SHLD1: variants seen among roughly 807,000 people sequenced by gnomAD.
SHLD1 encodes the protein RINN1-REV7-interacting novel NHEJ regulator 3.
A neutral mutation model predicts 5.5 loss-of-function variants in SHLD1; 3 were observed. The ratio of observed to expected loss-of-function variants is 0.54; its 90% confidence interval spans 0.25 to 1.40. SHLD1 has a LOEUF of 1.40. Among genes scored for constraint, SHLD1 ranks in the 40% most tolerant of loss-of-function variants. SHLD1 has a pLI of 0.15. For synonymous variants in SHLD1, 92 were observed against 94.3 expected (o/e 0.98, Z 0.14); for missense variants, 210 against 244.4 (o/e 0.86, Z 0.94).
chr20:5,839,881 T>C (rs1037078458), intron 2 of SHLD1, among the ~76,000 whole-genome samples: 4 of 151,706 alleles, frequency 2.6e-5, no homozygotes, highest in African/African-American at 9.7e-5. Context: ...CTCCAGTCAC[T>C]GTTTGGTGGA....
At chr20:5,795,601 C>CAAAAAA (rs56723415) in intron 2 of SHLD1, among the ~76,000 whole-genome samples, 2 of 67,088 alleles carry the variant, frequency 3.0e-5, no homozygotes, top group African/African-American at 1.3e-4. Context: ...TCTGGTCTCG[C>CAAAAAA]AAAAAAAAAA....
intron 2 of SHLD1, among the ~76,000 whole-genome samples, chr20:5,794,236 T>C (rs1418886822): frequency 6.6e-6 from 1 of 152,134 alleles, no homozygotes; most frequent in Non-Finnish European, 1.5e-5. Context: ...GCTTCATAGG[T>C]TGTCATGAGG....
chr20:5,854,872 C>CTTTTTTTTTTT (rs55776293), intron 2 of SHLD1, among the ~76,000 whole-genome samples: 7,746 of 129,676 alleles, frequency 0.06, 712 homozygotes, highest in East Asian at 0.19. Context: ...CTCTATGACT[C>CTTTTTTTTTTT]TTTTTTTTTT....
chr20:5,844,791 A>ATT (rs1361285741), intron 2 of SHLD1, among the ~76,000 whole-genome samples: 26 of 98,604 alleles, frequency 2.6e-4, no homozygotes, highest in African/African-American at 1.7e-3. Context: ...ATATATATAT[A>ATT]TATATATATT....
intron 2 of SHLD1, among the ~76,000 whole-genome samples, chr20:5,802,003 C>G (rs192560331): frequency 2.6e-5 from 4 of 152,140 alleles, no homozygotes; most frequent in Admixed American, 6.5e-5. Context: ...TCTAAACTTA[C>G]CACAGGAAAA....
chr20:5,756,740 G>A (rs1402243690), intron 1 of SHLD1: 1 of 225,156 alleles, frequency 4.4e-6, no homozygotes, highest in African/African-American at 2.6e-5. Flanking sequence ...AGCCCAAGCT[G>A]GAGTACAATG....
intron 2 of SHLD1, among the ~76,000 whole-genome samples, chr20:5,810,887 CAAAA>C (rs10627373): frequency 8.3e-6 from 1 of 120,876 alleles, no homozygotes; most frequent in East Asian, 2.4e-4. Flanking sequence ...GACTCTGTCT[CAAAA>C]AAAAAAAAAA....
In SHLD1 at chr20:5,838,436, T is replaced by C. The variant is rs986817614; in HGVS notation, c.179-24588T>C. The stretch of plus-strand genomic sequence containing the variant: ...TTAAAAGCTATGAGTATATATTATG[T>C]AGATAAAAATAAAAATTAGTTATGA... On this transcript the variant is annotated intron_variant, in intron 2 of 2. Transcript: ENST00000303142. 7.2e-5 allele frequency among the ~76,000 whole-genome samples: 11 copies of C among 152,202 alleles called. 1 individual carries two copies. Among genetic ancestry groups the C allele is most frequent in the Admixed American group, 3.9e-4 (6 of 15,278 alleles).
intron 2 of SHLD1, among the ~76,000 whole-genome samples, chr20:5,820,189 G>A (rs188413075): frequency 8.7e-4 from 132 of 152,078 alleles, no homozygotes; most frequent in African/African-American, 2.8e-3. Flanking sequence ...CAGGTGATCC[G>A]CCCACCTCGG....
chr20:5,829,603 C>T (rs948662703), intron 2 of SHLD1, among the ~76,000 whole-genome samples: 52 of 152,154 alleles, frequency 3.4e-4, no homozygotes, highest in African/African-American at 1.2e-3. Context: ...CAGGTTTTTA[C>T]GGATGCATTT....
At chr20:5,800,053 T>C (rs573890054) in intron 2 of SHLD1, among the ~76,000 whole-genome samples, 2 of 152,296 alleles carry the variant, frequency 1.3e-5, no homozygotes, top group Admixed American at 1.3e-4. Context: ...TGGCAATGTC[T>C]GGAGACATTT....
At chr20:5,785,553 T>C (rs1481701664) in intron 2 of SHLD1, among the ~76,000 whole-genome samples, 1 of 152,140 alleles carries the variant, frequency 6.6e-6, no homozygotes, top group East Asian at 1.9e-4. Context: ...CCCAGCACTT[T>C]GGGAGGCCAA....
At chr20:5,850,531 G>T (rs5002850) in intron 2 of SHLD1, among the ~76,000 whole-genome samples, 7,711 of 141,578 alleles carry the variant, frequency 0.054, 301 homozygotes, top group Admixed American at 0.08. Flanking sequence ...TTTTTTTTGA[G>T]ATGGAGTCTT....
At chr20:5,797,798 C>A (rs1400036414) in intron 2 of SHLD1, among the ~76,000 whole-genome samples, 3 of 152,218 alleles carry the variant, frequency 2.0e-5, no homozygotes, top group Non-Finnish European at 4.4e-5. Context: ...CTGATACCTG[C>A]AGTCCTAGGC....
chr20:5,819,620 G>A (rs561152986), intron 2 of SHLD1, among the ~76,000 whole-genome samples: 131 of 152,218 alleles, frequency 8.6e-4, no homozygotes, highest in African/African-American at 2.9e-3. Context: ...TCAGGAGTTC[G>A]AGACCAGCCT....
intron 2 of SHLD1, among the ~76,000 whole-genome samples, chr20:5,816,731 T>G (rs932420001): frequency 1.6e-4 from 24 of 152,348 alleles, no homozygotes; most frequent in African/African-American, 4.8e-4. Flanking sequence ...GTTTAAAAAC[T>G]ATCACAGATA....
chr20:5,803,731 G>A (rs1018379486), intron 2 of SHLD1, among the ~76,000 whole-genome samples: 1 of 151,934 alleles, frequency 6.6e-6, no homozygotes, highest in Non-Finnish European at 1.5e-5. Context: ...AATTAGCTGG[G>A]CGTGGTGGCA....
intron 2 of SHLD1, among the ~76,000 whole-genome samples, chr20:5,819,997 G>A (rs531612869): frequency 6.6e-6 from 1 of 152,248 alleles, no homozygotes; most frequent in African/African-American, 2.4e-5. Flanking sequence ...AGACAGGCTG[G>A]AGTGCAGTGC....
At chr20:5,823,831 C>A (rs982599306) in intron 2 of SHLD1, among the ~76,000 whole-genome samples, 35 of 152,160 alleles carry the variant, frequency 2.3e-4, no homozygotes, top group African/African-American at 8.4e-4. Context: ...GGGCAAGCTT[C>A]CTCCACTGCC....
Sources: gnomAD v4.1 joint callset for allele counts (sites outside exome capture counted in the v4.1 genomes callset) on GRCh38, gnomAD v4.1.1 for gene constraint, MANE v1.5 for transcripts, NCBI Gene and HGNC (gene_info 2026-07-23, HGNC 2026-07-21) for gene names.